The following MIB1 variants were observed in gnomAD, a reference collection of about 807,000 sequenced individuals.
The protein encoded by MIB1 is MIB E3 ubiquitin protein ligase 1, also known as E3 ubiquitin-protein ligase MIB1.
A neutral mutation model predicts 124.5 loss-of-function variants in MIB1; 278 were observed. The ratio of observed to expected loss-of-function variants is 2.23; its 90% CI spans 2.02 to 2.47. MIB1 has a LOEUF of 2.47. MIB1 is among the 30% of genes most tolerant of loss of function. The pLI is 0.00. For missense variants in MIB1, 957 were observed against 1,254.4 expected (o/e 0.76, Z 3.58); for synonymous variants, 446 against 429.4 (o/e 1.04, Z -0.48).
At chr18:21,792,973 T>C (rs1293657149) in intron 7 of MIB1, among the ~76,000 whole-genome samples, 2 of 152,238 alleles carry the variant, frequency 1.3e-5, no homozygotes, top group African/African-American at 4.8e-5. Context: ...CACAAACATC[T>C]ATAACAAAAC....
intron 12 of MIB1, among the ~76,000 whole-genome samples, chr18:21,837,744 G>A (rs1057507326): frequency 6.6e-5 from 10 of 151,996 alleles, no homozygotes; most frequent in Non-Finnish European, 8.8e-5. Context: ...TGGCCATTTT[G>A]TGTGTTTTGC....
intron 20 of MIB1, among the ~76,000 whole-genome samples, chr18:21,860,183 C>T (rs1050360590): frequency 1.7e-4 from 22 of 129,474 alleles, no homozygotes; most frequent in Non-Finnish European, 3.0e-4. Flanking sequence ...TCACTGAAAC[C>T]TCTGCCTCCC....
At chr18:21,863,912 A>G (rs1390972779) in intron 20 of MIB1, among the ~76,000 whole-genome samples, 2 of 152,062 alleles carry the variant, frequency 1.3e-5, no homozygotes, top group African/African-American at 2.4e-5. Context: ...AGGCTGAGGC[A>G]GTAGAATCAC....
In MIB1 at chr18:21,741,556, A is replaced by G. The variant is rs1009467019; in HGVS notation, c.-28A>G. 7.7e-7 allele frequency: 1 copy of G among 1,300,074 alleles called. No individual in the cohort carries two copies. Among genetic ancestry groups the G allele is most frequent in the Non-Finnish European group, 9.8e-7 (1 of 1,022,192 alleles). The allele number at this position is 1,300,074 out of a possible 1,614,324, so 80.5% of individuals were successfully genotyped here. ...CGGCAGCGGCGGCGGCGGCGGCGGC[A>G]GCGGCGGAGCCCACCGCCCGGGCCC... On this transcript the variant is annotated 5_prime_UTR_variant, in exon 1 of 21. Coordinates refer to ENST00000261537, the MANE Select transcript of MIB1 (RefSeq NM_020774.4). The surrounding 1 kb of genome is among the most constrained non-coding windows in gnomAD (Gnocchi z 5.4).
intron 12 of MIB1, among the ~76,000 whole-genome samples, chr18:21,834,913 A>T (rs145520291): frequency 1.1e-4 from 17 of 152,370 alleles, no homozygotes; most frequent in Middle Eastern, 3.4e-3. Flanking sequence ...CATACTATGT[A>T]AAATGTTAGT....
chr18:21,763,179 A>G (rs900405854), intron 1 of MIB1, among the ~76,000 whole-genome samples: 1 of 152,076 alleles, frequency 6.6e-6, no homozygotes, highest in African/African-American at 2.4e-5. Context: ...ATAGATGAGA[A>G]TATTGGTCCC....
chr18:21,837,371 G>C (rs1435408466), intron 12 of MIB1, among the ~76,000 whole-genome samples: 2 of 152,174 alleles, frequency 1.3e-5, no homozygotes, highest in Non-Finnish European at 2.9e-5. Context: ...AGCCGGGCAT[G>C]GTGGCAGGCG....
chr18:21,822,634 C>A (rs1048915589), intron 12 of MIB1, among the ~76,000 whole-genome samples: 3 of 152,206 alleles, frequency 2.0e-5, no homozygotes, highest in Admixed American at 6.5e-5. Flanking sequence ...GCTTATATTA[C>A]CAGTTGTAAT....
At chr18:21,785,399 G>A (rs2041423548) in intron 6 of MIB1, among the ~76,000 whole-genome samples, 2 of 152,042 alleles carry the variant, frequency 1.3e-5, no homozygotes, top group African/African-American at 4.8e-5. Context: ...AAACCCACAG[G>A]CCCAGTAGGG....
Position 21,741,119 on chromosome 18 carries a change from C to T in MIB1, c.-465C>T, listed in dbSNP as rs2040844063. Among the ~76,000 whole-genome samples, 1 of 152,048 alleles carries T rather than the reference C, an allele frequency of 6.6e-6. No homozygotes were observed. Among genetic ancestry groups the T allele is most frequent in the Non-Finnish European group, 1.5e-5 (1 of 67,962 alleles). ...GGCGCCGGCGCTTGGGTGCCCGCCCCCGAGCGAGGGGCCGGGGTGGCAGAA... is the reference window on the plus strand; with the variant it reads ...GGCGCCGGCGCTTGGGTGCCCGCCCTCGAGCGAGGGGCCGGGGTGGCAGAA... On this transcript the variant is annotated 5_prime_UTR_variant, in exon 1 of 21. Transcript: ENST00000261537. This position sits in a 1 kb window ranked among gnomAD's most constrained non-coding sequence, Gnocchi z 5.4.
chr18:21,794,351 G>T (rs2041549247), intron 7 of MIB1, among the ~76,000 whole-genome samples: 1 of 151,658 alleles, frequency 6.6e-6, no homozygotes, highest in Non-Finnish European at 1.5e-5. Flanking sequence ...AAGAGATAAT[G>T]GCTAAGAGAA....
chr18:21,796,049 A>G (rs2041575144), intron 7 of MIB1, among the ~76,000 whole-genome samples: 1 of 152,306 alleles, frequency 6.6e-6, no homozygotes. Context: ...TGCTTCTTTA[A>G]AAACAAAACA....
chr18:21,795,990 C>T (rs995192432), intron 7 of MIB1, among the ~76,000 whole-genome samples: 1 of 152,058 alleles, frequency 6.6e-6, no homozygotes, highest in Admixed American at 6.6e-5. Context: ...GAAGTAAAAA[C>T]CCTGTAGTCT....
chr18:21,778,996 G>A (rs2041326240), intron 5 of MIB1, among the ~76,000 whole-genome samples: 2 of 151,830 alleles, frequency 1.3e-5, no homozygotes, highest in Admixed American at 6.6e-5. Flanking sequence ...AATAATCTAG[G>A]GAATAAGCTT....
Position 21,847,115 on chromosome 18 carries a change from G to A in MIB1, c.2383G>A (p.Glu795Lys), listed in dbSNP as rs1408567113. The stretch of plus-strand genomic sequence containing the variant: ...CAAAGCACTGGCAAAGTGTCATAAG[G>A]AAAAAGTCAGGTTTGTATTATTTAT... The part of the protein sequence containing the change: ...LCKALAKCHK[E>K]KVSGQVGSRS... The change falls in exon 16 of 21, where the codon GAA becomes AAA. Residue 795 changes from glutamate to lysine, a missense_variant. By Grantham distance (56) the Glu-to-Lys change is moderately conservative. Transcript: ENST00000261537. 1.2e-6 allele frequency: 2 copies of A among 1,613,370 alleles called. No individual in the cohort carries two copies. The highest frequency in any genetic ancestry group is 2.7e-5 in the African/African-American group (2 of 74,852).
At chr18:21,803,868 A>T (rs1334992012) in intron 9 of MIB1, 39 bp from the exon 10 acceptor site, 3 of 1,092,508 alleles carry the variant, frequency 2.7e-6, no homozygotes, top group Non-Finnish European at 2.8e-6. Flanking sequence ...GTTTCTGATT[A>T]TTCATTCATT....
chr18:21,802,975 C>CTTA (rs1261958978), intron 9 of MIB1, among the ~76,000 whole-genome samples: 1 of 152,150 alleles, frequency 6.6e-6, no homozygotes, highest in Non-Finnish European at 1.5e-5. Context: ...GCACATCAGA[C>CTTA]TTATACCTGA....
chr18:21,707,227 T>C (rs1449473372), intron 1 of MIB1, among the ~76,000 whole-genome samples: 3 of 152,204 alleles, frequency 2.0e-5, no homozygotes, highest in Non-Finnish European at 4.4e-5. Context: ...TCAAGGTTTG[T>C]AAATGCACCA....
chr18:21,763,453 TAGAA>T (rs2041122219), intron 1 of MIB1, among the ~76,000 whole-genome samples: 1 of 152,160 alleles, frequency 6.6e-6, no homozygotes, highest in African/African-American at 2.4e-5. Context: ...CTTCCTTTCT[TAGAA>T]AGATCTACTC....
Sources: gnomAD v4.1 joint callset for allele counts (sites outside exome capture counted in the v4.1 genomes callset) on GRCh38, gnomAD v4.1.1 for gene constraint, Gnocchi (gnomAD v3.1) non-coding constraint, MANE v1.5 for transcripts, NCBI Gene and HGNC (gene_info 2026-07-23, HGNC 2026-07-21) for gene names.